Variants in CLEC18A observed in about 807,000 individuals in gnomAD.
CLEC18A encodes the protein mannose receptor-like 1.
Under a neutral mutation model 24.0 loss-of-function variants are expected in CLEC18A, and 5 were observed. The observed-to-expected ratio is 0.21, with a 90% CI of 0.11 to 0.44. The LOEUF (loss-of-function observed/expected upper bound fraction) is 0.44, where lower values mean the gene tolerates loss of function less well. Ranked by LOEUF, CLEC18A falls within the 20% of genes least tolerant of loss-of-function variation. The pLI is 0.99. For missense variants in CLEC18A, 83 were observed against 233.4 expected (o/e 0.36, Z 4.20); for synonymous variants, 29 against 100.1 (o/e 0.29, Z 4.24).
At chr16:69,964,257 T>C (rs1959274170), downstream of CLEC18A, 2 of 145,704 alleles carry the variant, frequency 1.4e-5, no homozygotes, top group Admixed American at 1.4e-4. Flanking sequence ...AGACGACGCG[T>C]GTGTGTTGCC....
chr16:69,953,167 G>C (rs1281888857), intron 2 of CLEC18A: 1 of 152,404 alleles, frequency 6.6e-6, no homozygotes, highest in African/African-American at 2.4e-5. Context: ...CCTCCCTCGT[G>C]GCCCGGCCCC....
chr16:69,954,217 C>CT (rs2058999898), intron 2 of CLEC18A, 117 bp from the exon 3 acceptor site: 1 of 1,411,564 alleles, frequency 7.1e-7, no homozygotes, highest in African/African-American at 1.4e-5. Flanking sequence ...CCAGTGCTCT[C>CT]TTTGCCACCT....
rs1201543843 is a variant in CLEC18A at position 69,951,617 on chromosome 16, AAGCCCTGGGAC to A, written c.124+133_124+143del. ...AGGCCGTGCGGGTGGTTTAATGAGG[AAGCCCTGGGAC>A]AGCCCGGGGGCGGTGAGGGGTGGAT... On this transcript the variant is annotated intron_variant, in intron 1 of 11. Coordinates refer to ENST00000288040, the MANE Select transcript of CLEC18A (RefSeq NM_001370523.4). The A allele has an allele frequency of 2.1e-5, 28 of 1,346,280 alleles. No homozygotes were observed. The African/African-American group carries it at 4.0e-4, about 19-fold the overall frequency. 83.4% of individuals were successfully genotyped at this position (1,346,280 alleles called of 1,614,324 possible). A position where few individuals can be genotyped will look rare whatever the true frequency, so the allele number is the denominator to read the frequency against.
At chr16:69,965,710 G>A (rs1050470807), downstream of CLEC18A, among the ~76,000 whole-genome samples, 2 of 138,706 alleles carry the variant, frequency 1.4e-5, no homozygotes, top group African/African-American at 5.6e-5. Context: ...GCCGCGGTCC[G>A]CCCCGCCCGA....
upstream of CLEC18A, among the ~76,000 whole-genome samples, chr16:69,949,150 C>T (rs1401574859): frequency 5.5e-5 from 7 of 127,114 alleles, no homozygotes; most frequent in Non-Finnish European, 1.1e-4. Context: ...CAGGATTTCA[C>T]CATGTTGGCC....
intron 3 of CLEC18A, among the ~76,000 whole-genome samples, chr16:69,955,856 C>T (rs2059027334): frequency 1.3e-5 from 2 of 151,942 alleles, no homozygotes; most frequent in African/African-American, 2.4e-5. Flanking sequence ...CTTCTACACA[C>T]ACCTGGCGCT....
chr16:69,949,305 AC>A (rs1299041511), upstream of CLEC18A, among the ~76,000 whole-genome samples: 1 of 70,152 alleles, frequency 1.4e-5, no homozygotes, highest in Non-Finnish European at 2.5e-5. Context: ...AAGTTGCTCC[AC>A]CCTAATCCCC....
At chr16:69,948,992 C>A (rs1597203837), upstream of CLEC18A, among the ~76,000 whole-genome samples, 1 of 49,950 alleles carries the variant, frequency 2.0e-5, no homozygotes, top group Admixed American at 1.9e-4. Flanking sequence ...TGCTCTGTTG[C>A]CCAGGATGGA....
At chr16:69,946,754 G>T (rs371101018), upstream of CLEC18A, among the ~76,000 whole-genome samples, 134 of 131,052 alleles carry the variant, frequency 1.0e-3, no homozygotes, top group African/African-American at 3.3e-3. Context: ...TATTGCCAAT[G>T]TGTAGAAATG....
downstream of CLEC18A, among the ~76,000 whole-genome samples, chr16:69,964,622 C>T (rs1447579347): frequency 6.6e-6 from 1 of 151,228 alleles, no homozygotes; most frequent in African/African-American, 2.4e-5. Context: ...GCCTCAGCCT[C>T]CCGAGTAGCT....
intron 11 of CLEC18A, 47 bp downstream of exon 11, chr16:69,963,114 G>T (rs1170316042): frequency 6.2e-7 from 1 of 1,612,712 alleles, no homozygotes; most frequent in African/African-American, 1.3e-5. Flanking sequence ...TGACCCTGGG[G>T]GTGCTGCTGA....
chr16:69,944,490 A>G, the CLEC18A span, among the ~76,000 whole-genome samples: 14 of 151,908 alleles, frequency 9.2e-5, no homozygotes, highest in Non-Finnish European at 1.5e-4. Flanking sequence ...GATTGCACCT[A>G]TGAATAGCCA....
chr16:69,948,470 T>A (rs2058915117), upstream of CLEC18A, among the ~76,000 whole-genome samples: 1 of 151,568 alleles, frequency 6.6e-6, no homozygotes. Flanking sequence ...ATAAAATGAC[T>A]CGAACGCTAT....
At chr16:69,955,086 C>T (rs536892261) in intron 3 of CLEC18A, among the ~76,000 whole-genome samples, 5 of 152,262 alleles carry the variant, frequency 3.3e-5, no homozygotes, top group African/African-American at 7.2e-5. Flanking sequence ...CTGCAACCTC[C>T]GTCTCCTAGA....
upstream of CLEC18A, among the ~76,000 whole-genome samples, chr16:69,948,383 G>T (rs3927169): frequency 0.11 from 10,098 of 95,998 alleles, 1,478 homozygotes; most frequent in African/African-American, 0.34. Flanking sequence ...TGTTTTTTTT[G>T]TTTGTTTGTT....
the CLEC18A span, among the ~76,000 whole-genome samples, chr16:69,945,164 C>CCTAG: frequency 6.8e-6 from 1 of 147,842 alleles, no homozygotes; most frequent in Non-Finnish European, 1.5e-5. Context: ...GTGGCACGTG[C>CCTAG]CTATCGTCCT....
downstream of CLEC18A, among the ~76,000 whole-genome samples, chr16:69,966,161 C>T (rs1176952645): frequency 7.0e-6 from 1 of 143,260 alleles, no homozygotes; most frequent in Non-Finnish European, 1.5e-5. Context: ...TATTCTCATC[C>T]AGAGTATGTC....
At chr16:69,944,725 A>G in the CLEC18A span, among the ~76,000 whole-genome samples, 1 of 136,252 alleles carries the variant, frequency 7.3e-6, no homozygotes, top group Non-Finnish European at 1.6e-5. Flanking sequence ...AGTCCCGGCT[A>G]CTCGGGAAGC....
upstream of CLEC18A, among the ~76,000 whole-genome samples, chr16:69,946,144 G>T (rs2058910383): frequency 1.2e-5 from 1 of 82,426 alleles, no homozygotes; most frequent in Non-Finnish European, 2.4e-5. Context: ...CATGGTGGCA[G>T]GTGCTTGTAA....
Sources: gnomAD v4.1 joint callset for allele counts (sites outside exome capture counted in the v4.1 genomes callset) on GRCh38, gnomAD v4.1.1 for gene constraint, MANE v1.5 for transcripts, NCBI Gene and HGNC (gene_info 2026-07-23, HGNC 2026-07-21) for gene names.